Variants in LINGO2 observed in about 807,000 individuals in gnomAD.
The protein encoded by LINGO2 is leucine-rich repeat and immunoglobulin-like domain-containing nogo receptor-interacting protein 2.
In LINGO2, 14 loss-of-function variants were observed where a neutral mutation model predicts 30.6. That is an observed-to-expected ratio of 0.46 (90% CI 0.30 to 0.72). The LOEUF (loss-of-function observed/expected upper bound fraction) is 0.72, where lower values mean the gene tolerates loss of function less well. Among genes scored for constraint, LINGO2 ranks in the 30% least tolerant of loss-of-function variants. LINGO2 has a pLI of 0.07. For synonymous variants in LINGO2, 317 were observed against 288.5 expected (o/e 1.10, Z -1.00); for missense variants, 729 against 751.7 (o/e 0.97, Z 0.35).
intron 5 of LINGO2, among the ~76,000 whole-genome samples, chr9:27,963,137 T>C (rs897428579): frequency 1.3e-5 from 2 of 152,194 alleles, no homozygotes; most frequent in African/African-American, 2.4e-5. Flanking sequence ...TCTATGTCTA[T>C]GATTCTCACT....
At chr9:28,125,945 C>A (rs781459335) in intron 4 of LINGO2, among the ~76,000 whole-genome samples, 1 of 152,100 alleles carries the variant, frequency 6.6e-6, no homozygotes, top group Non-Finnish European at 1.5e-5. Flanking sequence ...GAGTACCAAC[C>A]AAACTGCACC....
chr9:29,051,688 G>A, the LINGO2 span, among the ~76,000 whole-genome samples: 2 of 152,012 alleles, frequency 1.3e-5, no homozygotes, highest in East Asian at 3.9e-4. Context: ...CTTACATAAG[G>A]CCCGTTAGTT....
the LINGO2 span, among the ~76,000 whole-genome samples, chr9:29,153,811 T>A: frequency 6.6e-6 from 1 of 152,170 alleles, no homozygotes; most frequent in African/African-American, 2.4e-5. Flanking sequence ...AATAAAATAA[T>A]CCAAGATTAT....
chr9:28,818,333 T>A, the LINGO2 span, among the ~76,000 whole-genome samples: 9 of 152,154 alleles, frequency 5.9e-5, no homozygotes, highest in African/African-American at 2.2e-4. Flanking sequence ...AAAAGGGAAT[T>A]TAATTAACCT....
the LINGO2 span, among the ~76,000 whole-genome samples, chr9:29,085,962 T>C: frequency 1.3e-5 from 2 of 152,140 alleles, no homozygotes; most frequent in East Asian, 1.9e-4. Flanking sequence ...CTAAGTGCAT[T>C]TGTGCCCGTT....
At chr9:29,017,009 C>T in the LINGO2 span, among the ~76,000 whole-genome samples, 1 of 152,240 alleles carries the variant, frequency 6.6e-6, no homozygotes, top group East Asian at 1.9e-4. Context: ...CTGATGCCTT[C>T]ACTTTCTATT....
At chr9:28,397,670 C>G (rs1307852128) in intron 2 of LINGO2, among the ~76,000 whole-genome samples, 1 of 151,362 alleles carries the variant, frequency 6.6e-6, no homozygotes, top group African/African-American at 2.4e-5. Context: ...GCCTCAGCCT[C>G]CCGAGTAGCT....
the LINGO2 span, among the ~76,000 whole-genome samples, chr9:28,872,564 G>A: frequency 6.6e-6 from 1 of 152,056 alleles, no homozygotes; most frequent in African/African-American, 2.4e-5. Context: ...AGCTGTTCAT[G>A]GCAAAAAGAT....
chr9:29,179,202 T>TATATATATATA, the LINGO2 span, among the ~76,000 whole-genome samples: 1 of 120,932 alleles, frequency 8.3e-6, no homozygotes, highest in Admixed American at 8.9e-5. Flanking sequence ...TATATATATA[T>TATATATATATA]GTTTCACTCC....
intron 1 of LINGO2, among the ~76,000 whole-genome samples, chr9:28,552,691 T>TC (rs951223805): frequency 1.5e-4 from 23 of 151,696 alleles, no homozygotes; most frequent in Non-Finnish European, 2.5e-4. Flanking sequence ...GTTTTCTCCT[T>TC]CCGGGATTTC....
At chr9:28,353,795 C>G (rs2134459926) in intron 3 of LINGO2, among the ~76,000 whole-genome samples, 1 of 152,148 alleles carries the variant, frequency 6.6e-6, no homozygotes, top group African/African-American at 2.4e-5. Context: ...AAATGTGGCA[C>G]ATATACACCA....
intron 4 of LINGO2, among the ~76,000 whole-genome samples, chr9:28,154,780 T>A (rs147827854): frequency 0.012 from 1,797 of 152,320 alleles, 33 homozygotes; most frequent in African/African-American, 0.041. Context: ...CCTAATAGGA[T>A]TACAAGGCAG....
At chr9:28,859,085 T>G in the LINGO2 span, among the ~76,000 whole-genome samples, 2 of 152,078 alleles carry the variant, frequency 1.3e-5, no homozygotes, top group Non-Finnish European at 2.9e-5. Flanking sequence ...ACAAGTAAAG[T>G]ACTTGGAAAT....
the LINGO2 span, among the ~76,000 whole-genome samples, chr9:29,146,404 C>T: frequency 5.9e-3 from 890 of 152,080 alleles, 8 homozygotes; most frequent in African/African-American, 0.021. Flanking sequence ...CTTCTGTGGG[C>T]CTTAATAATT....
the LINGO2 span, among the ~76,000 whole-genome samples, chr9:29,097,027 G>T: frequency 3.6e-5 from 5 of 138,926 alleles, 1 homozygote; most frequent in African/African-American, 1.4e-4. Context: ...TCATAATATG[G>T]TAATTCTGCA....
At chr9:28,216,689 AT>A (rs745850460) in intron 4 of LINGO2, among the ~76,000 whole-genome samples, 1 of 151,750 alleles carries the variant, frequency 6.6e-6, no homozygotes, top group Non-Finnish European at 1.5e-5. Flanking sequence ...ATCTATTGGG[AT>A]TTTTTCCCCC....
At chr9:28,017,709 G>A (rs1219156427) in intron 4 of LINGO2, among the ~76,000 whole-genome samples, 1 of 152,080 alleles carries the variant, frequency 6.6e-6, no homozygotes, top group Non-Finnish European at 1.5e-5. Context: ...AAAGAAATCA[G>A]AGATGACACA....
At chr9:28,184,660 TGAGACAGAAA>T (rs1308255774) in intron 4 of LINGO2, among the ~76,000 whole-genome samples, 1 of 151,960 alleles carries the variant, frequency 6.6e-6, no homozygotes, top group Non-Finnish European at 1.5e-5. Flanking sequence ...TCTGATAGAC[TGAGACAGAAA>T]GAGACAGAGA....
chr9:29,166,320 C>A, the LINGO2 span, among the ~76,000 whole-genome samples: 1 of 152,080 alleles, frequency 6.6e-6, no homozygotes, highest in African/African-American at 2.4e-5. Context: ...TGGCTACATT[C>A]AACTCCTACA....
Sources: gnomAD v4.1 joint callset for allele counts (sites outside exome capture counted in the v4.1 genomes callset) on GRCh38, gnomAD v4.1.1 for gene constraint, MANE v1.5 for transcripts, NCBI Gene and HGNC (gene_info 2026-07-23, HGNC 2026-07-21) for gene names.